ZDHHC7: variants seen among roughly 807,000 people sequenced by gnomAD.
ZDHHC7 encodes the protein palmitoyltransferase ZDHHC7.
In ZDHHC7, 12 loss-of-function variants were observed where a neutral mutation model predicts 34.1. That is an observed-to-expected ratio of 0.35 (90% CI 0.23 to 0.57). The LOEUF (loss-of-function observed/expected upper bound fraction) is 0.57. Ranked by LOEUF, ZDHHC7 falls within the 20% of genes least tolerant of loss-of-function variation. The pLI, the probability that ZDHHC7 is intolerant of heterozygous loss-of-function variation, is 0.84. For missense variants in ZDHHC7, 388 were observed against 402.7 expected, an observed-to-expected ratio of 0.96 and a Z score of 0.31; for synonymous variants, 185 against 155.4, an observed-to-expected ratio of 1.19 and a Z score of -1.42.
At chr16:85,024,081 C>T in the ZDHHC7 span, among the ~76,000 whole-genome samples, 1 of 151,870 alleles carries the variant, frequency 6.6e-6, no homozygotes, top group Non-Finnish European at 1.5e-5. Context: ...CCACGCTTGA[C>T]TAATTTTTGT....
intron 1 of ZDHHC7, among the ~76,000 whole-genome samples, chr16:85,009,231 T>C (rs1210182370): frequency 1.3e-5 from 2 of 152,082 alleles, no homozygotes; most frequent in Non-Finnish European, 2.9e-5. Flanking sequence ...ACAAAGATTG[T>C]ATTATTTATA....
chr16:84,980,538 C>T (rs1342263938), intron 4 of ZDHHC7, among the ~76,000 whole-genome samples: 14 of 151,842 alleles, frequency 9.2e-5, no homozygotes, highest in Admixed American at 9.2e-4. Context: ...GGCATGGTGG[C>T]GGGCGCCTGT....
At chr16:84,998,229 A>C (rs989994282) in intron 1 of ZDHHC7, among the ~76,000 whole-genome samples, 2 of 148,378 alleles carry the variant, frequency 1.3e-5, no homozygotes, top group African/African-American at 5.0e-5. Flanking sequence ...GCACCACTGC[A>C]CTCCAGCCTG....
intron 1 of ZDHHC7, 110 bp from the exon 2 acceptor site, chr16:84,996,117 G>A (rs1286968611): frequency 6.6e-6 from 1 of 152,202 alleles, no homozygotes; most frequent in East Asian, 1.9e-4. Context: ...GACGCATCAA[G>A]TTCTGTCACT....
chr16:84,990,201 T>C (rs986355669), intron 3 of ZDHHC7, 103 bp downstream of exon 3: 1 of 1,339,458 alleles, frequency 7.5e-7, no homozygotes, highest in South Asian at 1.4e-5. Context: ...TCCACACCCA[T>C]GTCAATATGT....
At chr16:85,009,871 G>A (rs2072767733) in intron 1 of ZDHHC7, among the ~76,000 whole-genome samples, 1 of 151,804 alleles carries the variant, frequency 6.6e-6, no homozygotes, top group African/African-American at 2.4e-5. Flanking sequence ...ACCATGCCCA[G>A]CTAATTTTTG....
chr16:85,008,364 T>G (rs564280924), intron 1 of ZDHHC7, among the ~76,000 whole-genome samples: 42 of 152,094 alleles, frequency 2.8e-4, no homozygotes, highest in African/African-American at 9.9e-4. Flanking sequence ...CAATACTCCA[T>G]GCATACTGTC....
chr16:85,009,569 T>C (rs1379764233), intron 1 of ZDHHC7, among the ~76,000 whole-genome samples: 1 of 150,820 alleles, frequency 6.6e-6, no homozygotes, highest in African/African-American at 2.5e-5. Flanking sequence ...CTCCTTCAAC[T>C]CTCAAATCAG....
chr16:85,002,408 C>A (rs528095746), intron 1 of ZDHHC7, among the ~76,000 whole-genome samples: 1 of 152,308 alleles, frequency 6.6e-6, no homozygotes, highest in East Asian at 1.9e-4. Context: ...GGACAGAACA[C>A]AGCCTTGACA....
At chr16:85,016,405 G>A (rs1032405472), upstream of ZDHHC7, among the ~76,000 whole-genome samples, 5 of 151,918 alleles carry the variant, frequency 3.3e-5, no homozygotes, top group African/African-American at 1.2e-4. Flanking sequence ...TATAGCTTGC[G>A]TAAAATTGTA....
chr16:85,017,635 G>A, the ZDHHC7 span, among the ~76,000 whole-genome samples: 4 of 152,178 alleles, frequency 2.6e-5, no homozygotes, highest in South Asian at 4.1e-4. Context: ...ACATACATGC[G>A]ACACCCAACA....
intron 2 of ZDHHC7, among the ~76,000 whole-genome samples, chr16:84,994,554 C>T (rs965700628): frequency 2.6e-5 from 4 of 152,328 alleles, no homozygotes; most frequent in Admixed American, 6.5e-5. Flanking sequence ...ACACATGTGA[C>T]ACCTGAGCCA....
In ZDHHC7 at chr16:84,981,914, G is replaced by A. The variant is rs757375281; in HGVS notation, c.396C>T (p.Cys132=). The A allele has an allele frequency of 1.2e-6, 2 of 1,614,198 alleles. No individual in the cohort carries two copies. Among genetic ancestry groups the A allele is most frequent in the Non-Finnish European group, 1.7e-6 (2 of 1,180,036 alleles). Residue 132 remains cysteine, a synonymous_variant, in exon 4 of 8, where the codon TGC becomes TGT. Transcript: ENST00000313732. Reference sequence around the variant, plus strand: ...CGGGTTTAATACAGCAGCACTTGGGGCACTTGTAGATGACTTCCCCGGGCT... The same window carrying A: ...CGGGTTTAATACAGCAGCACTTGGGACACTTGTAGATGACTTCCCCGGGCT... ...QLKPGEVIYK[C]PKCCCIKPER... is the part of the protein sequence containing the mutation.
intron 2 of ZDHHC7, among the ~76,000 whole-genome samples, chr16:84,994,325 G>GT (rs1257799334): frequency 6.6e-6 from 1 of 152,198 alleles, no homozygotes; most frequent in East Asian, 1.9e-4. Context: ...TTGGTGAATC[G>GT]TTATCTGTGG....
chr16:84,980,760 C>G (rs540996635), intron 4 of ZDHHC7, among the ~76,000 whole-genome samples: 2 of 152,172 alleles, frequency 1.3e-5, no homozygotes, highest in Non-Finnish European at 2.9e-5. Flanking sequence ...AGTTGTGAGA[C>G]CATCACCATC....
At chr16:84,993,639 C>G (rs1168775363) in intron 2 of ZDHHC7, among the ~76,000 whole-genome samples, 1 of 151,822 alleles carries the variant, frequency 6.6e-6, no homozygotes, top group Non-Finnish European at 1.5e-5. Flanking sequence ...AAGTAAGACC[C>G]AATGTCAAAA....
the ZDHHC7 span, among the ~76,000 whole-genome samples, chr16:85,017,648 A>T: frequency 6.6e-6 from 1 of 152,182 alleles, no homozygotes; most frequent in Non-Finnish European, 1.5e-5. Context: ...ACCCAACAAC[A>T]TGAATCAATC....
At chr16:85,020,645 C>A in the ZDHHC7 span, among the ~76,000 whole-genome samples, 2 of 152,088 alleles carry the variant, frequency 1.3e-5, no homozygotes, top group African/African-American at 4.8e-5. Context: ...TTCTTTAAGG[C>A]CCTGCGAGGG....
intron 1 of ZDHHC7, among the ~76,000 whole-genome samples, chr16:85,008,955 G>A (rs112410113): frequency 6.6e-6 from 1 of 150,972 alleles, no homozygotes; most frequent in Non-Finnish European, 1.5e-5. Flanking sequence ...TGAGGCAGGA[G>A]AATCGCTTTA....
Sources: gnomAD v4.1 joint callset for allele counts (sites outside exome capture counted in the v4.1 genomes callset) on GRCh38, gnomAD v4.1.1 for gene constraint, MANE v1.5 for transcripts, NCBI Gene and HGNC (gene_info 2026-07-23, HGNC 2026-07-21) for gene names.